The following TENM2 variants were observed in gnomAD, a reference collection of about 807,000 sequenced individuals.
TENM2 encodes the protein teneurin transmembrane protein 2.
Under a neutral mutation model 245.2 loss-of-function variants are expected in TENM2, and 52 were observed. The ratio of observed to expected loss-of-function variants is 0.21; its 90% CI spans 0.17 to 0.27. The LOEUF (loss-of-function observed/expected upper bound fraction) is 0.27, where lower values mean the gene tolerates loss of function less well. Ranked by LOEUF, TENM2 falls within the 10% of genes least tolerant of loss-of-function variation. The pLI is 1.00. For missense variants in TENM2, 3,046 were observed against 3,666.8 expected, an observed-to-expected ratio of 0.83 and a Z score of 4.37; for synonymous variants, 1,363 against 1,438.9, an observed-to-expected ratio of 0.95 and a Z score of 1.19.
At chr5:167,746,710 A>AGAGAGCGAGAGC (rs1554109883) in intron 2 of TENM2, among the ~76,000 whole-genome samples, 1 of 144,862 alleles carries the variant, frequency 6.9e-6, no homozygotes, top group Admixed American at 6.8e-5. Context: ...AGAGAGAGAG[A>AGAGAGCGAGAGC]GAGAGCTGGA....
At chr5:167,587,985 T>A (rs1775616867) in intron 2 of TENM2, among the ~76,000 whole-genome samples, 1 of 152,106 alleles carries the variant, frequency 6.6e-6, no homozygotes, top group Non-Finnish European at 1.5e-5. Context: ...CTGCCATTAG[T>A]GGGAATCACA....
chr5:167,045,019 C>G, the TENM2 span, among the ~76,000 whole-genome samples: 1 of 152,102 alleles, frequency 6.6e-6, no homozygotes, highest in Non-Finnish European at 1.5e-5. Flanking sequence ...GAAGAGAACA[C>G]TAGAATGGAG....
At chr5:167,363,874 C>T (rs939308383) in intron 1 of TENM2, among the ~76,000 whole-genome samples, 1 of 151,366 alleles carries the variant, frequency 6.6e-6, no homozygotes, top group East Asian at 1.9e-4. Flanking sequence ...ATACTATTAA[C>T]TATGTATAAT....
At chr5:167,038,835 G>T in the TENM2 span, among the ~76,000 whole-genome samples, 1 of 151,950 alleles carries the variant, frequency 6.6e-6, no homozygotes, top group Non-Finnish European at 1.5e-5. Context: ...CCTTGGACTC[G>T]GTTTACTCAG....
At chr5:167,785,059 G>A (rs930888645) in intron 2 of TENM2, among the ~76,000 whole-genome samples, 15 of 152,058 alleles carry the variant, frequency 9.9e-5, no homozygotes, top group Non-Finnish European at 1.5e-5. Context: ...AGTGAACTAA[G>A]AGGAAAATTT....
chr5:167,327,773 G>C (rs1296072780), intron 1 of TENM2, among the ~76,000 whole-genome samples: 2 of 152,188 alleles, frequency 1.3e-5, no homozygotes, highest in Non-Finnish European at 2.9e-5. Context: ...TGATGTTAGA[G>C]AGGAAGAGAA....
chr5:167,475,640 C>A (rs1741124600), intron 2 of TENM2, among the ~76,000 whole-genome samples: 1 of 151,972 alleles, frequency 6.6e-6, no homozygotes, highest in African/African-American at 2.4e-5. Context: ...TGCTTTCCTT[C>A]CCCTTGCCCC....
chr5:167,847,829 A>G (rs1770188959), intron 2 of TENM2, among the ~76,000 whole-genome samples: 1 of 152,206 alleles, frequency 6.6e-6, no homozygotes, highest in Non-Finnish European at 1.5e-5. Flanking sequence ...TGCAGAGATT[A>G]TACTGATATA....
intron 2 of TENM2, among the ~76,000 whole-genome samples, chr5:167,863,059 T>C (rs753216697): frequency 3.9e-5 from 6 of 152,224 alleles, no homozygotes; most frequent in Non-Finnish European, 7.3e-5. Context: ...GTTCATATCT[T>C]GGCTTTGCGC....
At chr5:167,172,858 C>T in the TENM2 span, among the ~76,000 whole-genome samples, 3 of 152,154 alleles carry the variant, frequency 2.0e-5, no homozygotes, top group Admixed American at 6.5e-5. Context: ...ATTTTTTAAA[C>T]GTTTCAATAG....
At position 168,137,861 on chromosome 5, in the gene TENM2, G is replaced by C. The variant is rs17663306; in HGVS notation, c.2422+10895G>C. 8.6e-3 allele frequency among the ~76,000 whole-genome samples: 1,311 copies of C among 152,276 alleles called. 44 individuals are homozygous for C. In the East Asian group the frequency reaches 0.13, roughly 15 times the overall value. ...GCTTCCATTTAATGGGGCCAAGAAA[G>C]ATCAGTATCTATTCACTTACAGACC... On this transcript the variant is annotated intron_variant, in intron 12 of 28. Transcript: ENST00000518659.
At chr5:167,985,256 T>A (rs1004028290) in intron 4 of TENM2, among the ~76,000 whole-genome samples, 29 of 152,182 alleles carry the variant, frequency 1.9e-4, no homozygotes, top group African/African-American at 7.0e-4. Context: ...TGATCAAATT[T>A]CAGACACTGC....
the TENM2 span, among the ~76,000 whole-genome samples, chr5:167,217,068 C>T: frequency 2.0e-5 from 3 of 152,068 alleles, no homozygotes; most frequent in Non-Finnish European, 4.4e-5. Flanking sequence ...AAATGTATAA[C>T]ATATATACAT....
chr5:167,019,888 A>T, the TENM2 span, among the ~76,000 whole-genome samples: 3 of 152,300 alleles, frequency 2.0e-5, no homozygotes, highest in East Asian at 5.8e-4. Context: ...AAATAATCTT[A>T]TTTAGTGCCA....
chr5:168,137,770 G>T (rs796252249), intron 12 of TENM2, among the ~76,000 whole-genome samples: 15 of 152,258 alleles, frequency 9.9e-5, no homozygotes, highest in African/African-American at 3.6e-4. Flanking sequence ...AAGTCAAGTT[G>T]GGTCCCTTAA....
intron 2 of TENM2, among the ~76,000 whole-genome samples, chr5:167,585,269 T>C (rs895828588): frequency 6.6e-6 from 1 of 152,238 alleles, no homozygotes; most frequent in East Asian, 1.9e-4. Flanking sequence ...CTTCTTAGTC[T>C]CTGATCATGT....
At chr5:167,906,098 A>T (rs191760806) in intron 3 of TENM2, among the ~76,000 whole-genome samples, 1 of 152,178 alleles carries the variant, frequency 6.6e-6, no homozygotes, top group Non-Finnish European at 1.5e-5. Flanking sequence ...CCTGCAGGAG[A>T]TAACTTATAA....
At chr5:167,621,923 G>C (rs1411321259) in intron 2 of TENM2, among the ~76,000 whole-genome samples, 1 of 152,044 alleles carries the variant, frequency 6.6e-6, no homozygotes, top group Non-Finnish European at 1.5e-5. Flanking sequence ...TTGAGACTTG[G>C]CCTCATTTTT....
chr5:167,148,680 C>T, the TENM2 span, among the ~76,000 whole-genome samples: 2 of 152,074 alleles, frequency 1.3e-5, no homozygotes, highest in East Asian at 1.9e-4. Flanking sequence ...CTCATGAAAT[C>T]GTGGTAAAAA....
Sources: gnomAD v4.1 joint callset for allele counts (sites outside exome capture counted in the v4.1 genomes callset) on GRCh38, gnomAD v4.1.1 for gene constraint, MANE v1.5 for transcripts, NCBI Gene and HGNC (gene_info 2026-07-23, HGNC 2026-07-21) for gene names.